Variants in RARB observed in about 807,000 individuals in gnomAD.
RARB encodes the protein HBV-activated protein.
In RARB, 17 loss-of-function variants were observed where a neutral mutation model predicts 51.9. That is an observed-to-expected ratio of 0.33 (90% CI 0.22 to 0.49). RARB has a LOEUF of 0.49. Ranked by LOEUF, RARB falls within the 20% of genes least tolerant of loss-of-function variation. RARB has a pLI of 0.99. For synonymous variants in RARB, 215 were observed against 195.4 expected (o/e 1.10, Z -0.84); for missense variants, 369 against 550.8 (o/e 0.67, Z 3.30).
chr3:25,519,752 C>T (rs1050827479), intron 3 of RARB, among the ~76,000 whole-genome samples: 8 of 151,988 alleles, frequency 5.3e-5, no homozygotes, highest in South Asian at 4.1e-4. Flanking sequence ...TTTTAAAAAG[C>T]GAATTAACTC....
At chr3:25,234,831 G>A (rs778385408) in intron 5 of RARB, among the ~76,000 whole-genome samples, 1 of 152,000 alleles carries the variant, frequency 6.6e-6, no homozygotes, top group African/African-American at 2.4e-5. Context: ...CAGCCCACAG[G>A]GACCCATTTT....
At chr3:25,568,293 C>T (rs1700577133) in intron 3 of RARB, among the ~76,000 whole-genome samples, 1 of 152,188 alleles carries the variant, frequency 6.6e-6, no homozygotes, top group South Asian at 2.1e-4. Context: ...TGAACTTGAG[C>T]ATATTTCTTA....
intron 1 of RARB, among the ~76,000 whole-genome samples, chr3:24,856,301 G>A (rs1190679588): frequency 6.6e-6 from 1 of 152,088 alleles, no homozygotes; most frequent in Non-Finnish European, 1.5e-5. Context: ...TTGTGGCGAG[G>A]CTTCCTGGAT....
At chr3:25,067,536 T>G (rs1427471510) in intron 3 of RARB, among the ~76,000 whole-genome samples, 2 of 152,238 alleles carry the variant, frequency 1.3e-5, no homozygotes. Flanking sequence ...CATTAATTAT[T>G]TGATGTACAG....
chr3:25,250,643 C>T (rs746477220), intron 5 of RARB, among the ~76,000 whole-genome samples: 2 of 152,066 alleles, frequency 1.3e-5, no homozygotes, highest in African/African-American at 4.8e-5. Flanking sequence ...GTCAATTGGG[C>T]TTCAGAAATG....
intron 5 of RARB, among the ~76,000 whole-genome samples, chr3:25,212,469 T>G (rs1282868430): frequency 6.6e-6 from 1 of 152,052 alleles, no homozygotes; most frequent in Non-Finnish European, 1.5e-5. Context: ...AATACAAAAA[T>G]TAGCCAAGCA....
At chr3:25,261,838 T>C (rs1011003735) in intron 5 of RARB, among the ~76,000 whole-genome samples, 2 of 152,154 alleles carry the variant, frequency 1.3e-5, no homozygotes, top group Admixed American at 6.6e-5. Context: ...GCTTGTCTTA[T>C]GGGGCACTAT....
chr3:24,852,051 A>G (rs1575035944), intron 1 of RARB, among the ~76,000 whole-genome samples: 2 of 152,326 alleles, frequency 1.3e-5, no homozygotes, highest in South Asian at 4.1e-4. Context: ...AGATTTTCCA[A>G]CCTGCTTGCT....
At chr3:24,913,123 G>A (rs1032936254) in intron 2 of RARB, among the ~76,000 whole-genome samples, 2 of 151,434 alleles carry the variant, frequency 1.3e-5, no homozygotes, top group African/African-American at 2.4e-5. Context: ...TAGGACTACA[G>A]GCACCCGCCA....
chr3:24,995,899 C>T (rs1697027349), intron 2 of RARB, among the ~76,000 whole-genome samples: 1 of 151,984 alleles, frequency 6.6e-6, no homozygotes, highest in African/African-American at 2.4e-5. Flanking sequence ...GTATGTTTAT[C>T]AGCATCTGGT....
At chr3:25,245,650 T>C (rs1702541106) in intron 5 of RARB, among the ~76,000 whole-genome samples, 1 of 152,224 alleles carries the variant, frequency 6.6e-6, no homozygotes, top group Non-Finnish European at 1.5e-5. Flanking sequence ...TTCTTGCTTG[T>C]AGGGTTTCTG....
chr3:25,323,796 T>C (rs965167444), intron 5 of RARB, among the ~76,000 whole-genome samples: 4 of 152,148 alleles, frequency 2.6e-5, no homozygotes, highest in Non-Finnish European at 5.9e-5. Context: ...GGGATAAGAT[T>C]TAGAAATTAA....
intron 5 of RARB, among the ~76,000 whole-genome samples, chr3:25,353,344 G>C (rs1428292021): frequency 1.3e-5 from 2 of 152,262 alleles, no homozygotes; most frequent in East Asian, 1.9e-4. Flanking sequence ...GTAGTAGGGT[G>C]TCAGTGGAAA....
Position 25,428,283 on chromosome 3 carries a change from T to A in RARB, c.-449T>A. On this transcript the variant is annotated 5_prime_UTR_variant, in exon 1 of 8. Transcript: ENST00000330688. ...TCTGTGTGACAGAAGTAGTAGGAAG[T>A]GAGCTGTTCAGAGGCAGGAGGGTCT... 8.1e-7 allele frequency: 1 copy of A among 1,235,026 alleles called. No homozygotes were observed. 76.5% of individuals were successfully genotyped at this position (1,235,026 alleles called of 1,614,324 possible).
chr3:25,518,286 C>G (rs1698260386), intron 3 of RARB, among the ~76,000 whole-genome samples: 1 of 151,284 alleles, frequency 6.6e-6, no homozygotes, highest in Non-Finnish European at 1.5e-5. Context: ...TTCTGGTAGT[C>G]AGAGCTAAAA....
At chr3:25,280,071 A>T (rs557384086) in intron 5 of RARB, among the ~76,000 whole-genome samples, 1 of 152,202 alleles carries the variant, frequency 6.6e-6, no homozygotes, top group Admixed American at 6.5e-5. Context: ...TAAATGTTTT[A>T]TGTGACACAG....
chr3:25,319,007 A>T (rs1559355644), intron 5 of RARB, among the ~76,000 whole-genome samples: 1 of 152,190 alleles, frequency 6.6e-6, no homozygotes, highest in Non-Finnish European at 1.5e-5. Flanking sequence ...AATTAGATTT[A>T]AGAAGACGTA....
At chr3:24,912,974 T>C (rs1228418133) in intron 2 of RARB, among the ~76,000 whole-genome samples, 2 of 108,092 alleles carry the variant, frequency 1.9e-5, no homozygotes, top group Non-Finnish European at 3.6e-5. Flanking sequence ...AGGTACTGAT[T>C]CTTTTTTTTT....
intron 1 of RARB, among the ~76,000 whole-genome samples, chr3:24,854,702 C>T (rs963891228): frequency 4.6e-5 from 7 of 152,142 alleles, no homozygotes; most frequent in Non-Finnish European, 5.9e-5. Flanking sequence ...TACTGTCCTA[C>T]GTATTGTAGG....
Sources: allele counts gnomAD v4.1 joint callset (sites outside exome capture counted in the v4.1 genomes callset), GRCh38; gene constraint gnomAD v4.1.1; transcripts MANE v1.5; gene names NCBI Gene and HGNC (gene_info 2026-07-23, HGNC 2026-07-21).